CDH13: variants seen among roughly 807,000 people sequenced by gnomAD.
CDH13 encodes the protein cadherin 13, also known as cadherin-13.
A neutral mutation model predicts 63.8 loss-of-function variants in CDH13; 24 were observed. That is an observed-to-expected ratio of 0.38 (90% CI 0.27 to 0.53). The LOEUF (loss-of-function observed/expected upper bound fraction) is 0.53. Ranked by LOEUF, CDH13 falls within the 20% of genes least tolerant of loss-of-function variation. CDH13 has a pLI of 0.85. For missense variants in CDH13, 1,049 were observed against 903.1 expected (o/e 1.16, Z -2.07); for synonymous variants, 503 against 355.3 (o/e 1.42, Z -4.67).
chr16:83,558,389 A>G (rs1420598608), intron 7 of CDH13, among the ~76,000 whole-genome samples: 1 of 152,172 alleles, frequency 6.6e-6, no homozygotes, highest in Non-Finnish European at 1.5e-5. Context: ...AAAAATGGGG[A>G]ATTTAAGAGC....
In CDH13 at chr16:82,720,841, C is replaced by G. The variant is rs530371226; in HGVS notation, c.45+93704C>G. ...GCTACAAGTCACTGAGCAAAAGGCC[C>G]TCGCCTGGCTCATTCGCCAATGAGT... On this transcript the variant is annotated intron_variant, in intron 1 of 13. Coordinates refer to ENST00000567109, the MANE Select transcript of CDH13 (RefSeq NM_001257.5). Among the ~76,000 whole-genome samples, 37 of 152,286 alleles carry G rather than the reference C, an allele frequency of 2.4e-4. 1 individual carries two copies. The South Asian group carries it at 5.8e-3, about 24-fold the overall frequency.
intron 3 of CDH13, among the ~76,000 whole-genome samples, chr16:83,077,839 C>T (rs1430033138): frequency 3.3e-5 from 5 of 152,162 alleles, no homozygotes; most frequent in East Asian, 3.9e-4. Flanking sequence ...AGAGCAGTGA[C>T]GGCTTTGCAT....
chr16:82,901,324 C>CTGTGTGTGTGTGTG lies in CDH13; in HGVS notation c.157+42881_157+42894dup, dbSNP rs61370328. On this transcript the variant is annotated intron_variant, in intron 2 of 13. Coordinates refer to ENST00000567109, the MANE Select transcript of CDH13 (RefSeq NM_001257.5). ...TCTTAGTGGAATAGATAGTATTCTCCTGTGTGTGTGTGTGTGTGTGTGTGT... is the reference window on the plus strand; with the variant it reads ...TCTTAGTGGAATAGATAGTATTCTCCTGTGTGTGTGTGTGTGTGTGTGTGTGTGTGTGTGTGTGT... Among the ~76,000 whole-genome samples the CTGTGTGTGTGTGTG allele has an allele frequency of 1.3e-4, 17 of 130,472 alleles. No homozygotes were observed. The East Asian group carries it at 2.3e-3, about 18-fold the overall frequency. 85.6% of individuals were successfully genotyped at this position (130,472 alleles called of 152,430 possible).
intron 6 of CDH13, among the ~76,000 whole-genome samples, chr16:83,409,148 C>G (rs113771662): frequency 1.3e-5 from 2 of 152,134 alleles, no homozygotes; most frequent in Non-Finnish European, 2.9e-5. Context: ...CAGCCAATAA[C>G]GTAACCAGCC....
At chr16:82,627,204 C>T in intron 1 of CDH13, 67 bp downstream of exon 1, 2 of 1,432,930 alleles carry the variant, frequency 1.4e-6, no homozygotes, top group South Asian at 1.2e-5. Flanking sequence ...CCGGCACGGG[C>T]AGGGTGAGGG....
At chr16:83,172,958 C>T (rs2037985921) in intron 4 of CDH13, among the ~76,000 whole-genome samples, 1 of 152,048 alleles carries the variant, frequency 6.6e-6, no homozygotes, top group South Asian at 2.1e-4. Flanking sequence ...CAACACTCTC[C>T]CCACCCCACC....
chr16:82,698,016 G>A (rs905359838), intron 1 of CDH13, among the ~76,000 whole-genome samples: 5 of 152,096 alleles, frequency 3.3e-5, no homozygotes, highest in African/African-American at 1.2e-4. Flanking sequence ...GCAGTGATTG[G>A]CACATAGGGG....
At chr16:83,113,100 G>A (rs1260728461) in intron 3 of CDH13, among the ~76,000 whole-genome samples, 1 of 152,178 alleles carries the variant, frequency 6.6e-6, no homozygotes, top group Non-Finnish European at 1.5e-5. Context: ...GGACTTCCAT[G>A]CAACTCCAGA....
At chr16:83,677,754 T>C (rs975018726) in intron 9 of CDH13, among the ~76,000 whole-genome samples, 1 of 152,126 alleles carries the variant, frequency 6.6e-6, no homozygotes, top group Non-Finnish European at 1.5e-5. Flanking sequence ...GGATTGGGCG[T>C]TGGAGTCTCA....
At chr16:83,416,723 A>G (rs2071560164) in intron 6 of CDH13, among the ~76,000 whole-genome samples, 1 of 152,196 alleles carries the variant, frequency 6.6e-6, no homozygotes, top group African/African-American at 2.4e-5. Context: ...AGTGCAGAGC[A>G]GAAAGATGAA....
intron 2 of CDH13, among the ~76,000 whole-genome samples, chr16:82,920,179 C>G (rs1380774170): frequency 6.6e-6 from 1 of 152,184 alleles, no homozygotes; most frequent in African/African-American, 2.4e-5. Context: ...GCACCCTCCA[C>G]CAGGACTTCG....
chr16:83,352,144 G>A (rs761915851), intron 6 of CDH13, among the ~76,000 whole-genome samples: 14 of 151,954 alleles, frequency 9.2e-5, no homozygotes, highest in Non-Finnish European at 2.9e-5. Flanking sequence ...GACAGCACTT[G>A]AGTTATGGTA....
chr16:82,717,917 A>T (rs1419387106), intron 1 of CDH13, among the ~76,000 whole-genome samples: 1 of 152,238 alleles, frequency 6.6e-6, no homozygotes, highest in Non-Finnish European at 1.5e-5. Flanking sequence ...ATCACAAACC[A>T]AGATGAGTTT....
intron 7 of CDH13, among the ~76,000 whole-genome samples, chr16:83,584,246 G>A (rs1458595604): frequency 1.3e-5 from 2 of 151,850 alleles, no homozygotes; most frequent in South Asian, 2.1e-4. Context: ...GGAGAATGGC[G>A]TGAACCCAGG....
chr16:83,136,736 A>G (rs185821549), intron 4 of CDH13, among the ~76,000 whole-genome samples: 20 of 152,248 alleles, frequency 1.3e-4, no homozygotes, highest in African/African-American at 3.6e-4. Context: ...CTTCAGTACA[A>G]TCTTGTTAGT....
At chr16:83,644,667 G>A (rs1275976344) in intron 8 of CDH13, among the ~76,000 whole-genome samples, 2 of 152,212 alleles carry the variant, frequency 1.3e-5, no homozygotes, top group Admixed American at 6.5e-5. Flanking sequence ...CAGAGGATGA[G>A]GTTCATGGTC....
At chr16:83,575,637 T>C (rs185994345) in intron 7 of CDH13, among the ~76,000 whole-genome samples, 1 of 152,310 alleles carries the variant, frequency 6.6e-6, no homozygotes, top group Non-Finnish European at 1.5e-5. Flanking sequence ...CTCCATCCTA[T>C]TGTCCTCATT....
intron 10 of CDH13, among the ~76,000 whole-genome samples, chr16:83,701,977 A>G (rs942099941): frequency 3.9e-5 from 6 of 152,192 alleles, no homozygotes; most frequent in African/African-American, 1.4e-4. Context: ...CATTCTCTCC[A>G]GGTGTAAAGG....
Position 83,773,301 on chromosome 16 carries a change from A to T in CDH13, c.1682-6667A>T, listed in dbSNP as rs1597210886. Reference sequence around the variant, plus strand: ...GAGAAGTCAAGGCCTATATTAGTCCATTCTCATACTACTGTATAGCTACTA... The same window carrying T: ...GAGAAGTCAAGGCCTATATTAGTCCTTTCTCATACTACTGTATAGCTACTA... On this transcript the variant is annotated intron_variant, in intron 11 of 13. Coordinates refer to ENST00000567109, the MANE Select transcript of CDH13 (RefSeq NM_001257.5). Among the ~76,000 whole-genome samples, 3 of 152,238 alleles carry T rather than the reference A, an allele frequency of 2.0e-5. No homozygotes were observed. In the East Asian group the frequency reaches 5.8e-4, roughly 29 times the overall value.
Sources: gnomAD v4.1 joint callset for allele counts (sites outside exome capture counted in the v4.1 genomes callset) on GRCh38, gnomAD v4.1.1 for gene constraint, MANE v1.5 for transcripts, NCBI Gene and HGNC (gene_info 2026-07-23, HGNC 2026-07-21) for gene names.